Variants in PPP1R14C observed in about 807,000 individuals in gnomAD.
PPP1R14C encodes protein phosphatase 1 regulatory inhibitor subunit 14C, also known as protein phosphatase 1 regulatory subunit 14C.
PPP1R14C carries 16 observed loss-of-function variants against 20.4 expected under a neutral mutation model. The ratio of observed to expected loss-of-function variants is 0.78; its 90% CI spans 0.53 to 1.19. The LOEUF (loss-of-function observed/expected upper bound fraction) is 1.19, where lower values mean the gene tolerates loss of function less well. PPP1R14C is among the 50% of genes most tolerant of loss of function. The pLI, the probability that PPP1R14C is intolerant of heterozygous loss-of-function variation, is 0.00. For missense variants in PPP1R14C, 211 were observed against 220.1 expected (o/e 0.96, Z 0.26); for synonymous variants, 91 against 91.0 (o/e 1.00, Z 0.00).
chr6:150,237,135 G>A (rs1461547793), intron 3 of PPP1R14C, among the ~76,000 whole-genome samples: 1 of 150,824 alleles, frequency 6.6e-6, no homozygotes, highest in East Asian at 2.0e-4. Flanking sequence ...TTCCCATGGC[G>A]AAAATGGGCG....
chr6:150,168,940 G>A (rs185090854), intron 1 of PPP1R14C, among the ~76,000 whole-genome samples: 3 of 152,272 alleles, frequency 2.0e-5, no homozygotes, highest in African/African-American at 4.8e-5. Flanking sequence ...GCAGTGGTGC[G>A]ATCTTGGCTC....
At chr6:150,188,483 T>TC (rs1491434947) in intron 1 of PPP1R14C, among the ~76,000 whole-genome samples, 2 of 16,834 alleles carry the variant, frequency 1.2e-4, no homozygotes, top group African/African-American at 8.1e-4. Context: ...AGGAATTACC[T>TC]TTTTTTTTTT....
chr6:150,228,981 A>G (rs9371356), intron 3 of PPP1R14C, among the ~76,000 whole-genome samples: 84,853 of 151,932 alleles, frequency 0.56, 25,866 homozygotes, highest in African/African-American at 0.82. Flanking sequence ...AGTGGACCCG[A>G]TTAGCATTTT....
At chr6:150,165,822 A>G (rs1777416084) in intron 1 of PPP1R14C, among the ~76,000 whole-genome samples, 1 of 152,258 alleles carries the variant, frequency 6.6e-6, no homozygotes, top group Admixed American at 6.5e-5. Context: ...ACAAAACCCT[A>G]CAAAGAAAAA....
At chr6:150,234,248 G>T (rs938777711) in intron 3 of PPP1R14C, among the ~76,000 whole-genome samples, 11 of 152,158 alleles carry the variant, frequency 7.2e-5, no homozygotes, top group Non-Finnish European at 1.6e-4. Flanking sequence ...TGTTGGGAAA[G>T]ATGTGGAAGA....
At chr6:150,175,240 C>T (rs192461907) in intron 1 of PPP1R14C, among the ~76,000 whole-genome samples, 11 of 152,256 alleles carry the variant, frequency 7.2e-5, no homozygotes, top group Admixed American at 4.6e-4. Context: ...AGCGATGGAA[C>T]CAGGCAGGAA....
chr6:150,213,908 G>T (rs1325562150), intron 1 of PPP1R14C, among the ~76,000 whole-genome samples: 1 of 152,180 alleles, frequency 6.6e-6, no homozygotes, highest in African/African-American at 2.4e-5. Context: ...TTCAGAGGTG[G>T]TTTGACACAG....
At position 150,199,174 on chromosome 6, in the gene PPP1R14C, T is replaced by C. The variant is rs74514950; in HGVS notation, c.307-15570T>C. The stretch of plus-strand genomic sequence containing the variant: ...TGGCTTTGGAGGGGGTTCTCAGGAA[T>C]CTGCATTTTTACAAGTTCATGGGGG... On this transcript the variant is annotated intron_variant, in intron 1 of 3. Coordinates refer to ENST00000361131, the MANE Select transcript of PPP1R14C (RefSeq NM_030949.3). 3.5e-3 allele frequency among the ~76,000 whole-genome samples: 533 copies of C among 152,254 alleles called. 5 individuals carry two copies. The highest frequency in any genetic ancestry group is 0.019 in the South Asian group (90 of 4,814).
At chr6:150,237,134 C>T (rs534825723) in intron 3 of PPP1R14C, among the ~76,000 whole-genome samples, 7 of 139,726 alleles carry the variant, frequency 5.0e-5, no homozygotes, top group African/African-American at 1.1e-4. Flanking sequence ...TTTCCCATGG[C>T]GAAAATGGGC....
rs773053781 is a variant in PPP1R14C at position 150,248,920 on chromosome 6, C to CTTTTTTTT, written c.*100_*101insTTTTTTTT. ...AAAGAATAGGTGTCCTTATGAACAACGTTTTTGTTTTTTTTTTTTTCTTTT... is the reference window on the plus strand; with the variant it reads ...AAAGAATAGGTGTCCTTATGAACAACTTTTTTTTGTTTTTGTTTTTTTTTTTTTCTTTT... On this transcript the variant is annotated 3_prime_UTR_variant, in exon 4 of 4. Transcript: ENST00000361131. 1 of 604,278 alleles carries CTTTTTTTT rather than the reference C, an allele frequency of 1.7e-6. No individual in the cohort carries two copies. The allele number at this position is 604,278 out of a possible 1,614,324, so 37.4% of individuals were successfully genotyped here.
At chr6:150,232,652 T>C (rs543483946) in intron 3 of PPP1R14C, among the ~76,000 whole-genome samples, 1 of 152,326 alleles carries the variant, frequency 6.6e-6, no homozygotes, top group Non-Finnish European at 1.5e-5. Flanking sequence ...CCCAGTCCCA[T>C]TTATTGGGCA....
intron 3 of PPP1R14C, 87 bp from the exon 4 acceptor site, chr6:150,248,659 G>T: frequency 1.2e-6 from 1 of 828,978 alleles, no homozygotes. Context: ...AAGGTTAACT[G>T]CAGTTGACAT....
intron 1 of PPP1R14C, among the ~76,000 whole-genome samples, chr6:150,173,425 C>T (rs1448184773): frequency 6.6e-6 from 1 of 152,108 alleles, no homozygotes; most frequent in Non-Finnish European, 1.5e-5. Flanking sequence ...GACTCCCTTC[C>T]CCAGATTCTC....
At chr6:150,146,003 C>G (rs964090029) in intron 1 of PPP1R14C, among the ~76,000 whole-genome samples, 1 of 152,176 alleles carries the variant, frequency 6.6e-6, no homozygotes, top group Non-Finnish European at 1.5e-5. Context: ...AAGAAATACA[C>G]AGAACCACTT....
intron 1 of PPP1R14C, among the ~76,000 whole-genome samples, chr6:150,182,375 C>T (rs1359091144): frequency 6.6e-6 from 1 of 152,128 alleles, no homozygotes; most frequent in African/African-American, 2.4e-5. Flanking sequence ...CTGGGAAGTC[C>T]AAGGTTAGGA....
intron 1 of PPP1R14C, among the ~76,000 whole-genome samples, chr6:150,196,557 T>G (rs116841317): frequency 0.01 from 1,584 of 152,252 alleles, 10 homozygotes; most frequent in Middle Eastern, 0.024. Flanking sequence ...GGCTTAACCA[T>G]TTAATCATGT....
At chr6:150,221,729 T>G (rs1778169666) in intron 3 of PPP1R14C, among the ~76,000 whole-genome samples, 1 of 152,204 alleles carries the variant, frequency 6.6e-6, no homozygotes, top group Non-Finnish European at 1.5e-5. Context: ...CTCTATAAAA[T>G]GGAGGTAATA....
intron 1 of PPP1R14C, among the ~76,000 whole-genome samples, chr6:150,170,522 ATG>A (rs1777485364): frequency 6.6e-6 from 1 of 151,700 alleles, no homozygotes; most frequent in Non-Finnish European, 1.5e-5. Flanking sequence ...TGGGGTTTCA[ATG>A]TGTTAGCCAG....
rs540806893 is a variant in PPP1R14C at position 150,194,763 on chromosome 6, C to A, written c.307-19981C>A. 4.1e-6 allele frequency: 4 copies of A among 985,266 alleles called. No individual in the cohort carries two copies. In the South Asian group the frequency reaches 1.4e-4, roughly 35 times the overall value. 61.0% of individuals were successfully genotyped at this position (985,266 alleles called of 1,614,324 possible). A position where few individuals can be genotyped will look rare whatever the true frequency, so the allele number is the denominator to read the frequency against. On this transcript the variant is annotated intron_variant, in intron 1 of 3. Coordinates refer to ENST00000361131, the MANE Select transcript of PPP1R14C (RefSeq NM_030949.3). ...TTATAATTTGTTGCATAGTTTAAGA[C>A]CCTGTTTTGTTTGACCACTGCTTGG...
Sources: gnomAD v4.1 joint callset for allele counts (sites outside exome capture counted in the v4.1 genomes callset) on GRCh38, gnomAD v4.1.1 for gene constraint, MANE v1.5 for transcripts, NCBI Gene and HGNC (gene_info 2026-07-23, HGNC 2026-07-21) for gene names.